The following ANXA8 variants were observed in gnomAD, a reference collection of about 807,000 sequenced individuals.
The protein encoded by ANXA8 is annexin A8.
ANXA8 carries 9 observed loss-of-function variants against 26.8 expected under a neutral mutation model. That is an observed-to-expected ratio of 0.34 (90% confidence interval 0.20 to 0.59). ANXA8 has a LOEUF of 0.59. Ranked by LOEUF, ANXA8 falls within the 20% of genes least tolerant of loss-of-function variation. ANXA8 has a pLI of 0.84. For missense variants in ANXA8, 83 were observed against 238.5 expected (o/e 0.35, Z 4.29); for synonymous variants, 39 against 94.8 (o/e 0.41, Z 3.42).
intron 11 of ANXA8, among the ~76,000 whole-genome samples, chr10:47,470,399 C>T (rs1479106454): frequency 1.5e-5 from 2 of 137,074 alleles, no homozygotes; most frequent in African/African-American, 5.8e-5. Context: ...TCAGCTCAGA[C>T]TGTCTGCAGG....
chr10:47,597,172 C>A, the ANXA8 span, among the ~76,000 whole-genome samples: 1 of 149,204 alleles, frequency 6.7e-6, no homozygotes, highest in African/African-American at 2.6e-5. Flanking sequence ...AAGATTATCT[C>A]AACAGATGCA....
the ANXA8 span, among the ~76,000 whole-genome samples, chr10:47,733,198 T>TTTC: frequency 8.0e-5 from 9 of 112,006 alleles, no homozygotes; most frequent in East Asian, 2.1e-3. Context: ...TCTTTCTTTC[T>TTTC]TTCTTTCTTT....
chr10:47,664,353 G>C, the ANXA8 span, among the ~76,000 whole-genome samples: 134 of 152,082 alleles, frequency 8.8e-4, no homozygotes, highest in African/African-American at 3.1e-3. Flanking sequence ...ACTCCAGCCT[G>C]GGTGACAAGA....
the ANXA8 span, among the ~76,000 whole-genome samples, chr10:47,989,408 C>T: frequency 8.2e-6 from 1 of 121,806 alleles, no homozygotes; most frequent in Admixed American, 8.3e-5. Context: ...CGCAGGGGTG[C>T]GGTAGGTCTC....
chr10:47,615,096 GT>G, the ANXA8 span, among the ~76,000 whole-genome samples: 3 of 72,068 alleles, frequency 4.2e-5, 1 homozygote, highest in East Asian at 8.1e-4. Flanking sequence ...CTGTGTTTTA[GT>G]TTCACCAAAA....
the ANXA8 span, among the ~76,000 whole-genome samples, chr10:47,689,400 TCTC>T: frequency 6.6e-6 from 1 of 151,866 alleles, no homozygotes; most frequent in Non-Finnish European, 1.5e-5. Flanking sequence ...ATGGTCTCGA[TCTC>T]CTGACCTCGT....
At chr10:47,661,145 G>C in the ANXA8 span, among the ~76,000 whole-genome samples, 2 of 128,070 alleles carry the variant, frequency 1.6e-5, no homozygotes, top group South Asian at 4.9e-4. Flanking sequence ...TAAGTGGAAA[G>C]GAGGGATGAG....
the ANXA8 span, among the ~76,000 whole-genome samples, chr10:47,701,991 T>C: frequency 6.7e-6 from 1 of 150,008 alleles, no homozygotes; most frequent in East Asian, 2.0e-4. Context: ...TAGTTAGAAA[T>C]ATGTTTCTCA....
chr10:47,660,573 G>A, the ANXA8 span, among the ~76,000 whole-genome samples: 1 of 151,548 alleles, frequency 6.6e-6, no homozygotes, highest in Non-Finnish European at 1.5e-5. Flanking sequence ...GCTAATTTTT[G>A]TATTTTTTGT....
the ANXA8 span, among the ~76,000 whole-genome samples, chr10:47,541,422 GA>G: frequency 7.4e-5 from 10 of 134,828 alleles, 1 homozygote; most frequent in Non-Finnish European, 4.7e-5. Flanking sequence ...AGACTGTATA[GA>G]AAAAAAATCC....
At chr10:47,502,255 C>T in the ANXA8 span, 10 of 1,595,338 alleles carry the variant, frequency 6.3e-6, no homozygotes, top group Non-Finnish European at 8.5e-6. Flanking sequence ...GAGTGCCGTG[C>T]AGCCGTCTCC....
chr10:47,610,232 A>G, the ANXA8 span, among the ~76,000 whole-genome samples: 2 of 147,054 alleles, frequency 1.4e-5, no homozygotes. Flanking sequence ...TATGCAATAT[A>G]TTAAGAAATA....
At chr10:47,590,576 A>G in the ANXA8 span, among the ~76,000 whole-genome samples, 3 of 146,300 alleles carry the variant, frequency 2.1e-5, no homozygotes, top group Non-Finnish European at 4.4e-5. Context: ...TATAATTAAA[A>G]CTATTAACAA....
At chr10:47,703,960 A>C in the ANXA8 span, among the ~76,000 whole-genome samples, 1 of 143,854 alleles carries the variant, frequency 7.0e-6, no homozygotes, top group African/African-American at 2.4e-5. Flanking sequence ...AGGACGTTCT[A>C]CTAAATAAAT....
At chr10:47,902,265 C>T in the ANXA8 span, among the ~76,000 whole-genome samples, 1 of 143,596 alleles carries the variant, frequency 7.0e-6, no homozygotes, top group Non-Finnish European at 1.5e-5. Flanking sequence ...CAAAGAATTG[C>T]ACAAAAATCA....
At chr10:47,525,953 C>T in the ANXA8 span, among the ~76,000 whole-genome samples, 10 of 135,420 alleles carry the variant, frequency 7.4e-5, 2 homozygotes, top group South Asian at 2.4e-4. Context: ...TGCAGGCATG[C>T]GTCACCATGC....
At chr10:47,877,614 C>CCTTT in the ANXA8 span, among the ~76,000 whole-genome samples, 2 of 35,444 alleles carry the variant, frequency 5.6e-5, 1 homozygote, top group South Asian at 2.1e-3. Flanking sequence ...GGATACCAGA[C>CCTTT]CTTTATTAGA....
At chr10:47,746,640 T>G in the ANXA8 span, among the ~76,000 whole-genome samples, 53 of 126,614 alleles carry the variant, frequency 4.2e-4, no homozygotes, top group African/African-American at 1.5e-3. Flanking sequence ...ATGGCGCCAC[T>G]GCACTCCAGC....
the ANXA8 span, chr10:47,563,751 G>A: frequency 2.4e-6 from 2 of 822,570 alleles, no homozygotes; most frequent in Non-Finnish European, 2.2e-6. Context: ...ACATGTTACT[G>A]TTAAGATGCT....
Sources: allele counts gnomAD v4.1 joint callset (sites outside exome capture counted in the v4.1 genomes callset), GRCh38; gene constraint gnomAD v4.1.1; transcripts MANE v1.5; gene names NCBI Gene and HGNC (gene_info 2026-07-23, HGNC 2026-07-21).